RBFOX1: variants seen among roughly 807,000 people sequenced by gnomAD.
RBFOX1 encodes RNA binding fox-1 homolog 1.
Under a neutral mutation model 57.7 loss-of-function variants are expected in RBFOX1, and 8 were observed. The observed-to-expected ratio is 0.14, with a 90% CI of 0.08 to 0.25. The LOEUF (loss-of-function observed/expected upper bound fraction) is 0.25. Among genes scored for constraint, RBFOX1 ranks in the 10% least tolerant of loss-of-function variants. The pLI is 1.00. For missense variants in RBFOX1, 611 were observed against 548.5 expected (o/e 1.11, Z -1.14); for synonymous variants, 326 against 222.4 (o/e 1.47, Z -4.15).
intron 3 of RBFOX1, among the ~76,000 whole-genome samples, chr16:6,798,988 AG>A (rs1219195665): frequency 6.6e-6 from 1 of 152,110 alleles, no homozygotes; most frequent in Admixed American, 6.6e-5. Context: ...GGAGTCTTTT[AG>A]GAAAAAGAAG....
intron 3 of RBFOX1, among the ~76,000 whole-genome samples, chr16:5,681,517 T>C (rs892760413): frequency 6.6e-6 from 1 of 150,882 alleles, no homozygotes; most frequent in Non-Finnish European, 1.5e-5. Flanking sequence ...GCCTCTGGAG[T>C]AGCTGGGATT....
At chr16:5,966,963 C>G (rs564252825) in intron 4 of RBFOX1, among the ~76,000 whole-genome samples, 24 of 124,026 alleles carry the variant, frequency 1.9e-4, no homozygotes, top group African/African-American at 5.6e-4. Context: ...TTGAAATGAC[C>G]TACTTAATTG....
intron 3 of RBFOX1, among the ~76,000 whole-genome samples, chr16:7,044,300 A>C (rs958693240): frequency 1.3e-5 from 2 of 152,224 alleles, no homozygotes; most frequent in African/African-American, 4.8e-5. Context: ...GCTCAGTTCT[A>C]GTTCTTGCAG....
chr16:6,919,978 C>T (rs1182718663), intron 3 of RBFOX1, among the ~76,000 whole-genome samples: 1 of 152,040 alleles, frequency 6.6e-6, no homozygotes, highest in African/African-American at 2.4e-5. Context: ...TTACATCATT[C>T]TTGCCCCTTT....
chr16:5,629,141 T>C (rs959723932), intron 3 of RBFOX1, among the ~76,000 whole-genome samples: 2 of 152,220 alleles, frequency 1.3e-5, no homozygotes, highest in African/African-American at 4.8e-5. Context: ...CATTTTCCAC[T>C]TAGAACATAT....
chr16:5,676,668 C>T (rs1203969214), intron 3 of RBFOX1, among the ~76,000 whole-genome samples: 3 of 152,172 alleles, frequency 2.0e-5, no homozygotes, highest in Non-Finnish European at 4.4e-5. Context: ...TGAGGCCAGC[C>T]TGGCCAATGT....
At chr16:7,668,398 A>G (rs2070155847) in intron 13 of RBFOX1, among the ~76,000 whole-genome samples, 1 of 152,192 alleles carries the variant, frequency 6.6e-6, no homozygotes, top group African/African-American at 2.4e-5. Flanking sequence ...GAAATTGCCA[A>G]AGGGAGTAGA....
At chr16:6,341,160 C>G (rs556262263) in intron 2 of RBFOX1, among the ~76,000 whole-genome samples, 23 of 152,276 alleles carry the variant, frequency 1.5e-4, no homozygotes, top group African/African-American at 4.3e-4. Context: ...TCTTACTGAG[C>G]TAAAATCAAG....
intron 4 of RBFOX1, among the ~76,000 whole-genome samples, chr16:5,910,375 G>C (rs1294100697): frequency 6.6e-6 from 1 of 152,190 alleles, no homozygotes; most frequent in Non-Finnish European, 1.5e-5. Context: ...GAGCCTTCTT[G>C]ACTGGAAGAA....
At chr16:6,551,339 G>C (rs1441656748) in intron 2 of RBFOX1, among the ~76,000 whole-genome samples, 1 of 152,146 alleles carries the variant, frequency 6.6e-6, no homozygotes, top group Non-Finnish European at 1.5e-5. Context: ...CTTATTACCA[G>C]CGGCATCTCA....
At chr16:5,493,710 A>G (rs540706180) in intron 2 of RBFOX1, among the ~76,000 whole-genome samples, 16 of 152,336 alleles carry the variant, frequency 1.1e-4, no homozygotes, top group African/African-American at 3.8e-4. Context: ...TGACACAGCA[A>G]TATGCTTGCT....
At chr16:6,694,856 C>T (rs1016584863) in intron 3 of RBFOX1, among the ~76,000 whole-genome samples, 1 of 151,878 alleles carries the variant, frequency 6.6e-6, no homozygotes, top group Non-Finnish European at 1.5e-5. Context: ...AGTCCAGCCC[C>T]GGAGCCCTGG....
intron 2 of RBFOX1, among the ~76,000 whole-genome samples, chr16:6,551,260 A>T (rs966210764): frequency 2.6e-5 from 4 of 152,206 alleles, no homozygotes; most frequent in Admixed American, 2.0e-4. Context: ...GTAATGAGTA[A>T]ATACATATGT....
At chr16:6,708,507 C>T (rs1333344474) in intron 3 of RBFOX1, among the ~76,000 whole-genome samples, 3 of 152,110 alleles carry the variant, frequency 2.0e-5, no homozygotes, top group Non-Finnish European at 4.4e-5. Flanking sequence ...TCATCACGTT[C>T]CTCTTGCTCT....
chr16:7,634,868 C>G (rs1218257546), intron 11 of RBFOX1, among the ~76,000 whole-genome samples: 1 of 152,100 alleles, frequency 6.6e-6, no homozygotes, highest in Non-Finnish European at 1.5e-5. Context: ...GAAGAAAGAA[C>G]AAAACTCTAG....
chr16:7,344,101 C>A (rs578024883), intron 4 of RBFOX1, among the ~76,000 whole-genome samples: 2 of 90,610 alleles, frequency 2.2e-5, no homozygotes, highest in South Asian at 4.0e-4. Context: ...CTCAGCTTTA[C>A]TTTTTTTTTT....
chr16:6,835,718 C>T (rs1461129178), intron 3 of RBFOX1, among the ~76,000 whole-genome samples: 1 of 133,372 alleles, frequency 7.5e-6, no homozygotes, highest in Non-Finnish European at 1.5e-5. Flanking sequence ...TGAGTCATTG[C>T]ACTCCAGCCT....
At chr16:6,748,314 T>C (rs1312873287) in intron 3 of RBFOX1, among the ~76,000 whole-genome samples, 9 of 151,972 alleles carry the variant, frequency 5.9e-5, no homozygotes, top group African/African-American at 1.9e-4. Flanking sequence ...TACACACACA[T>C]ATATACGTAC....
intron 4 of RBFOX1, among the ~76,000 whole-genome samples, chr16:7,238,512 C>T (rs960895835): frequency 2.3e-5 from 3 of 130,206 alleles, no homozygotes; most frequent in Admixed American, 1.5e-4. Context: ...GGTTACTCTC[C>T]TCATCTTTCC....
Sources: allele counts gnomAD v4.1 joint callset (sites outside exome capture counted in the v4.1 genomes callset), GRCh38; gene constraint gnomAD v4.1.1; transcripts MANE v1.5; gene names NCBI Gene and HGNC (gene_info 2026-07-23, HGNC 2026-07-21).